POLD3: variants seen among roughly 807,000 people sequenced by gnomAD.
The protein encoded by POLD3 is DNA polymerase delta 3, accessory subunit, also known as DNA polymerase delta subunit 3.
In POLD3, 19 loss-of-function variants were observed where a neutral mutation model predicts 58.2. The observed-to-expected ratio is 0.33, with a 90% CI of 0.23 to 0.48. POLD3 has a LOEUF of 0.48. Ranked by LOEUF, POLD3 falls within the 20% of genes least tolerant of loss-of-function variation. The probability of loss-of-function intolerance (pLI) is 0.99; values close to 1 mark genes in which losing one functional copy is unlikely to be tolerated. For synonymous variants in POLD3, 172 were observed against 193.5 expected, an observed-to-expected ratio of 0.89 and a Z score of 0.92; for missense variants, 504 against 545.5, an observed-to-expected ratio of 0.92 and a Z score of 0.76.
At chr11:74,621,748 G>C (rs2032267088) in intron 7 of POLD3, among the ~76,000 whole-genome samples, 1 of 152,120 alleles carries the variant, frequency 6.6e-6, no homozygotes, top group African/African-American at 2.4e-5. Flanking sequence ...CAGGCATGGT[G>C]GTACGTGCCT....
At chr11:74,604,518 T>C (rs538800394) in intron 2 of POLD3, 174 bp from the exon 3 acceptor site, 1 of 572,416 alleles carries the variant, frequency 1.7e-6, no homozygotes, top group African/African-American at 1.9e-5. Flanking sequence ...CCATGTCCTG[T>C]CTGAAGTCCA....
At chr11:74,608,991 G>GT (rs926225311) in intron 3 of POLD3, among the ~76,000 whole-genome samples, 2 of 151,836 alleles carry the variant, frequency 1.3e-5, no homozygotes, top group Non-Finnish European at 1.5e-5. Context: ...TTAGATTGCT[G>GT]TTTTTTTTAT....
chr11:74,599,987 C>T (rs1344385980), intron 2 of POLD3, among the ~76,000 whole-genome samples: 1 of 151,382 alleles, frequency 6.6e-6, no homozygotes, highest in Admixed American at 6.6e-5. Context: ...GCTCTGTTGC[C>T]CAGGCTGGAG....
At chr11:74,617,655 C>A (rs1300523914) in intron 5 of POLD3, among the ~76,000 whole-genome samples, 1 of 152,202 alleles carries the variant, frequency 6.6e-6, no homozygotes, top group East Asian at 1.9e-4. Flanking sequence ...CTGCCTTGGC[C>A]TCCCAAAGTG....
At chr11:74,632,846 G>T (rs569446811) in intron 9 of POLD3, among the ~76,000 whole-genome samples, 178 of 141,962 alleles carry the variant, frequency 1.3e-3, no homozygotes, top group Non-Finnish European at 1.9e-3. Context: ...ATTTAGTTCA[G>T]AAAGTGGTGG....
At chr11:74,626,323 T>A (rs564037661) in intron 8 of POLD3, among the ~76,000 whole-genome samples, 2 of 152,206 alleles carry the variant, frequency 1.3e-5, no homozygotes, top group African/African-American at 4.8e-5. Flanking sequence ...TTGATACTTA[T>A]TGCCAGCAGT....
At chr11:74,602,282 A>G (rs1482678002) in intron 2 of POLD3, among the ~76,000 whole-genome samples, 1 of 152,136 alleles carries the variant, frequency 6.6e-6, no homozygotes, top group Non-Finnish European at 1.5e-5. Flanking sequence ...TGTTTCAGAC[A>G]AGACTCTCTA....
At chr11:74,600,503 C>T (rs1270584323) in intron 2 of POLD3, among the ~76,000 whole-genome samples, 5 of 151,532 alleles carry the variant, frequency 3.3e-5, no homozygotes, top group South Asian at 2.1e-4. Flanking sequence ...AATTAGCCAG[C>T]GTGTGCCTGT....
downstream of POLD3, among the ~76,000 whole-genome samples, chr11:74,646,377 G>A (rs2033000156): frequency 6.6e-6 from 1 of 152,170 alleles, no homozygotes; most frequent in Non-Finnish European, 1.5e-5. Flanking sequence ...CTTATCTGAT[G>A]TCTGCATCTT....
downstream of POLD3, among the ~76,000 whole-genome samples, chr11:74,646,319 A>C (rs10793095): frequency 0.86 from 130,382 of 152,136 alleles, 56,394 homozygotes; most frequent in African/African-American, 0.97. Context: ...GTTGAGATCC[A>C]AGATTGTCAG....
chr11:74,601,668 G>T (rs543133091), intron 2 of POLD3, among the ~76,000 whole-genome samples: 67 of 152,250 alleles, frequency 4.4e-4, no homozygotes, highest in African/African-American at 1.6e-3. Context: ...TGCACCTGTG[G>T]TCCTGTTTAC....
intron 7 of POLD3, 103 bp from the exon 8 acceptor site, chr11:74,625,305 C>A: frequency 1.1e-6 from 1 of 872,182 alleles, no homozygotes; most frequent in Non-Finnish European, 1.7e-6. Context: ...CCTTTTTGCC[C>A]CTGCTCCTAA....
intron 2 of POLD3, among the ~76,000 whole-genome samples, chr11:74,597,104 G>A (rs1747079291): frequency 6.6e-6 from 1 of 152,214 alleles, no homozygotes; most frequent in African/African-American, 2.4e-5. Flanking sequence ...TCCTTTGGAT[G>A]TATATCCGTA....
chr11:74,620,115 A>G, intron 7 of POLD3, 26 bp downstream of exon 7: 1 of 1,505,152 alleles, frequency 6.6e-7, no homozygotes, highest in Non-Finnish European at 9.3e-7. Flanking sequence ...CCTCACTTTG[A>G]CTAACGAATG....
intron 4 of POLD3, among the ~76,000 whole-genome samples, chr11:74,663,815 A>G (rs1428870013): frequency 6.6e-6 from 1 of 152,210 alleles, no homozygotes; most frequent in Non-Finnish European, 1.5e-5. Context: ...AGAAATAAGT[A>G]GGAAAACCAT....
chr11:74,632,620 T>C (rs1468947590), intron 9 of POLD3, among the ~76,000 whole-genome samples: 1 of 152,196 alleles, frequency 6.6e-6, no homozygotes, highest in African/African-American at 2.4e-5. Context: ...GACTGATGCT[T>C]CTTTTGTCAA....
intron 9 of POLD3, among the ~76,000 whole-genome samples, chr11:74,630,502 G>A (rs1404746547): frequency 6.6e-6 from 1 of 152,192 alleles, no homozygotes; most frequent in Non-Finnish European, 1.5e-5. Context: ...GATATCCTGT[G>A]AGAGGTACAA....
intron 5 of POLD3, among the ~76,000 whole-genome samples, chr11:74,613,633 G>C (rs547703488): frequency 2.6e-5 from 4 of 152,110 alleles, no homozygotes; most frequent in African/African-American, 4.8e-5. Context: ...CCTTTGTGGG[G>C]TTGTATTGAT....
chr11:74,599,678 T>A (rs1392600597), intron 2 of POLD3, among the ~76,000 whole-genome samples: 2 of 152,014 alleles, frequency 1.3e-5, no homozygotes, highest in Non-Finnish European at 2.9e-5. Context: ...TGTTTTTTTT[T>A]AGCATTATTT....
Sources: allele counts gnomAD v4.1 joint callset (sites outside exome capture counted in the v4.1 genomes callset), GRCh38; gene constraint gnomAD v4.1.1; transcripts MANE v1.5; gene names NCBI Gene and HGNC (gene_info 2026-07-23, HGNC 2026-07-21).